Variants in ABCB11 observed in about 807,000 individuals in gnomAD.
The protein encoded by ABCB11 is ATP binding cassette subfamily B member 11.
A neutral mutation model predicts 148.0 loss-of-function variants in ABCB11; 95 were observed. That is an observed-to-expected ratio of 0.64 (90% confidence interval 0.54 to 0.76). The LOEUF (loss-of-function observed/expected upper bound fraction) is 0.76, where lower values mean the gene tolerates loss of function less well. Among genes scored for constraint, ABCB11 ranks in the 30% least tolerant of loss-of-function variants. The pLI, the probability that ABCB11 is intolerant of heterozygous loss-of-function variation, is 0.00. For synonymous variants in ABCB11, 591 were observed against 555.4 expected (o/e 1.06, Z -0.90); for missense variants, 1,523 against 1,617.8 (o/e 0.94, Z 1.01).
chr2:169,019,469 A>G (rs906917743), intron 1 of ABCB11, among the ~76,000 whole-genome samples: 2 of 152,190 alleles, frequency 1.3e-5, no homozygotes, highest in African/African-American at 4.8e-5. Context: ...TAGCACTCCC[A>G]TGTATACCAA....
intron 9 of ABCB11, 34 bp from the exon 10 acceptor site, chr2:168,986,318 A>G: frequency 6.4e-7 from 1 of 1,569,404 alleles, no homozygotes; most frequent in Non-Finnish European, 8.8e-7. Context: ...CAATTTCGGC[A>G]GAAACAGCTC....
At position 168,976,937 on chromosome 2, in the gene ABCB11, G is replaced by T. The variant is rs28727965; in HGVS notation, c.1198-250C>A. Among the ~76,000 whole-genome samples, 85,794 of 149,982 alleles carry T rather than the reference G, an allele frequency of 0.57. 24,787 individuals are homozygous for T. The highest frequency in any genetic ancestry group is 0.75 in the East Asian group (3,809 of 5,080). ...CATTGCAGAGATACGCCAAAGATGTGTACTCATTAAACGTTTATTAATAAT... is the reference window on the plus strand; with the variant it reads ...CATTGCAGAGATACGCCAAAGATGTTTACTCATTAAACGTTTATTAATAAT... On this transcript the variant is annotated intron_variant, in intron 11 of 27. Coordinates refer to ENST00000650372, the MANE Select transcript of ABCB11 (RefSeq NM_003742.4).
intron 15 of ABCB11, 54 bp downstream of exon 15, chr2:168,969,991 G>A: frequency 8.4e-7 from 1 of 1,191,058 alleles, no homozygotes; most frequent in Non-Finnish European, 1.2e-6. Context: ...CTTTCCTGCA[G>A]CAGCACAAGC....
intron 26 of ABCB11, among the ~76,000 whole-genome samples, chr2:168,926,017 G>A (rs890942647): frequency 6.6e-6 from 1 of 152,150 alleles, no homozygotes; most frequent in African/African-American, 2.4e-5. Flanking sequence ...AAACTTAGGA[G>A]ACTTTGTGAA....
chr2:169,028,333 G>T lies in ABCB11; in HGVS notation c.-28+2892C>A, dbSNP rs151060540. Among the ~76,000 whole-genome samples, 43 of 152,138 alleles carry T rather than the reference G, an allele frequency of 2.8e-4. No individual in the cohort carries two copies. The East Asian group carries it at 8.2e-3, about 29-fold the overall frequency. On this transcript the variant is annotated intron_variant, in intron 1 of 27. Transcript: ENST00000650372. ...GTCAAGCAGGATGGCAGTGAGGAAA[G>T]GGGAAATACAGGCATCTCCTGGGCC... is the stretch of plus-strand genomic sequence containing the variant.
intron 9 of ABCB11, among the ~76,000 whole-genome samples, chr2:168,989,297 T>G (rs1694434403): frequency 6.6e-6 from 1 of 152,154 alleles, no homozygotes; most frequent in Non-Finnish European, 1.5e-5. Context: ...GAGTTGATAT[T>G]TGTGTATAGT....
chr2:168,932,817 A>T (rs1424823082), intron 23 of ABCB11, among the ~76,000 whole-genome samples: 1 of 152,134 alleles, frequency 6.6e-6, no homozygotes, highest in East Asian at 1.9e-4. Context: ...GCTTCCTTTA[A>T]GAAAATTGTT....
chr2:168,971,753 T>C (rs1450643156), intron 14 of ABCB11, 94 bp downstream of exon 14: 1 of 1,188,212 alleles, frequency 8.4e-7, no homozygotes, highest in African/African-American at 1.5e-5. Flanking sequence ...TTTAATGACT[T>C]GGGAATCATA....
chr2:168,941,130 G>T (rs2685808), intron 21 of ABCB11, among the ~76,000 whole-genome samples: 73,714 of 151,370 alleles, frequency 0.49, 19,014 homozygotes, highest in South Asian at 0.66. Flanking sequence ...TTTTCACTTT[G>T]AAGTCTTTTT....
intron 5 of ABCB11, among the ~76,000 whole-genome samples, chr2:168,999,439 C>G (rs1415482985): frequency 6.6e-6 from 1 of 152,052 alleles, no homozygotes; most frequent in Non-Finnish European, 1.5e-5. Context: ...TTCTCATCAT[C>G]TCAAGACTCC....
chr2:168,972,981 AG>A (rs1031165695), intron 13 of ABCB11, among the ~76,000 whole-genome samples: 2 of 152,046 alleles, frequency 1.3e-5, no homozygotes, highest in African/African-American at 4.8e-5. Context: ...ATTTTAATAA[AG>A]TATCTGACAC....
At chr2:168,945,438 T>G (rs1197640768) in intron 19 of ABCB11, among the ~76,000 whole-genome samples, 6 of 151,952 alleles carry the variant, frequency 3.9e-5, no homozygotes, top group Admixed American at 3.9e-4. Context: ...AATTTTTGTC[T>G]TGTTATTTTG....
chr2:168,928,467 A>G (rs78132523), intron 25 of ABCB11, among the ~76,000 whole-genome samples: 1 of 148,096 alleles, frequency 6.8e-6, no homozygotes, highest in Non-Finnish European at 1.5e-5. Context: ...GAGGACTTTG[A>G]AAAAAAAACA....
At chr2:168,938,378 A>T (rs544515043) in intron 21 of ABCB11, among the ~76,000 whole-genome samples, 27 of 152,252 alleles carry the variant, frequency 1.8e-4, no homozygotes, top group Admixed American at 4.6e-4. Context: ...TATAGCATAG[A>T]GAAACTTCAA....
intron 9 of ABCB11, among the ~76,000 whole-genome samples, chr2:168,988,738 A>T (rs1211690517): frequency 6.6e-6 from 1 of 152,126 alleles, no homozygotes; most frequent in African/African-American, 2.4e-5. Flanking sequence ...CGATCCGTGT[A>T]ACAGTGTTTC....
rs1695421639 is a variant in ABCB11 at position 169,018,152 on chromosome 2, C to T, written c.-27G>A. ...GTAATTGCAACCCACAGCCAACGAC[C>T]CTATAAAATAAAATAAAAGAATCAT... On this transcript the variant is annotated splice_region_variant and 5_prime_UTR_variant, in exon 2 of 28. Transcript: ENST00000650372. The T allele has an allele frequency of 6.2e-6, 10 of 1,608,382 alleles. No individual in the cohort carries two copies. The highest frequency in any genetic ancestry group is 8.5e-6 in the Non-Finnish European group (10 of 1,176,222).
chr2:168,989,794 A>G (rs927640582), intron 9 of ABCB11, among the ~76,000 whole-genome samples: 1 of 151,944 alleles, frequency 6.6e-6, no homozygotes, highest in African/African-American at 2.4e-5. Context: ...TTTATACCTA[A>G]TTTGTTGAGA....
At chr2:169,009,634 C>G (rs1443303048) in intron 5 of ABCB11, among the ~76,000 whole-genome samples, 1 of 151,264 alleles carries the variant, frequency 6.6e-6, no homozygotes, top group South Asian at 2.1e-4. Context: ...TGTTAAATGA[C>G]GAGTTGATGG....
At chr2:168,983,818 G>A (rs1242594823) in intron 10 of ABCB11, among the ~76,000 whole-genome samples, 4 of 151,970 alleles carry the variant, frequency 2.6e-5, no homozygotes, top group Non-Finnish European at 4.4e-5. Context: ...TGCTCTATCC[G>A]GAATCTGGAG....
Sources: allele counts gnomAD v4.1 joint callset (sites outside exome capture counted in the v4.1 genomes callset), GRCh38; gene constraint gnomAD v4.1.1; transcripts MANE v1.5; gene names NCBI Gene and HGNC (gene_info 2026-07-23, HGNC 2026-07-21).